The following VPS26B variants were observed in gnomAD, a reference collection of about 807,000 sequenced individuals.
VPS26B encodes the protein vacuolar protein sorting-associated protein 26B.
In VPS26B, 10 loss-of-function variants were observed where a neutral mutation model predicts 33.3. That is an observed-to-expected ratio of 0.30 (90% CI 0.19 to 0.51). The LOEUF is 0.51. Among genes scored for constraint, VPS26B ranks in the 20% least tolerant of loss-of-function variants. The probability of loss-of-function intolerance (pLI) is 0.98; values close to 1 mark genes in which losing one functional copy is unlikely to be tolerated. For synonymous variants in VPS26B, 190 were observed against 176.9 expected, an observed-to-expected ratio of 1.07 and a Z score of -0.59; for missense variants, 317 against 452.7, an observed-to-expected ratio of 0.70 and a Z score of 2.72.
chr11:134,243,092 T>G, intron 3 of VPS26B, 27 bp from the exon 4 acceptor site: 1 of 1,612,824 alleles, frequency 6.2e-7, no homozygotes. Context: ...TACCAACATC[T>G]TACTTTCTGT....
At chr11:134,242,664 C>G (rs1282726942) in intron 3 of VPS26B, among the ~76,000 whole-genome samples, 1 of 152,258 alleles carries the variant, frequency 6.6e-6, no homozygotes, top group Admixed American at 6.5e-5. Context: ...TGCTGCCTGG[C>G]CTGTCGGCCT....
chr11:134,225,519 C>T, intron 1 of VPS26B, 174 bp downstream of exon 1: 1 of 677,036 alleles, frequency 1.5e-6, no homozygotes, highest in Non-Finnish European at 2.5e-6. Flanking sequence ...GCGTTACTGT[C>T]CTCCCTGCCA....
At chr11:134,236,666 G>A (rs915026946) in intron 2 of VPS26B, 1 of 152,202 alleles carries the variant, frequency 6.6e-6, no homozygotes, top group Admixed American at 6.5e-5. Flanking sequence ...GCTACAACAT[G>A]GGTGAACCTA....
At chr11:134,234,638 T>A (rs1323708750) in intron 1 of VPS26B, among the ~76,000 whole-genome samples, 1 of 152,214 alleles carries the variant, frequency 6.6e-6, no homozygotes, top group African/African-American at 2.4e-5. Context: ...TAAAAGATGG[T>A]GTCCGAGTGT....
chr11:134,231,336 G>A (rs1347974356), intron 1 of VPS26B, among the ~76,000 whole-genome samples: 2 of 151,952 alleles, frequency 1.3e-5, no homozygotes, highest in Non-Finnish European at 2.9e-5. Context: ...GAAACACTAA[G>A]TAAAAGGCAC....
chr11:134,229,371 C>G (rs570312581), intron 1 of VPS26B, among the ~76,000 whole-genome samples: 1 of 152,138 alleles, frequency 6.6e-6, no homozygotes, highest in Admixed American at 6.5e-5. Context: ...TGTTCTGACC[C>G]GACCTCTCTT....
chr11:134,225,475 C>A, intron 1 of VPS26B, 130 bp downstream of exon 1: 3 of 924,524 alleles, frequency 3.2e-6, no homozygotes, highest in South Asian at 1.4e-5. Flanking sequence ...GCCTGGGGTT[C>A]AGCTACAAGT....
At chr11:134,226,001 T>A (rs1565566080) in intron 1 of VPS26B, among the ~76,000 whole-genome samples, 1 of 152,240 alleles carries the variant, frequency 6.6e-6, no homozygotes, top group Non-Finnish European at 1.5e-5. Context: ...GAATGCAAGT[T>A]TTCAGTTACC....
At chr11:134,230,001 G>A (rs1938534997) in intron 1 of VPS26B, among the ~76,000 whole-genome samples, 1 of 152,012 alleles carries the variant, frequency 6.6e-6, no homozygotes, top group African/African-American at 2.4e-5. Flanking sequence ...ACATCTTTCT[G>A]CAAGATATAA....
intron 1 of VPS26B, among the ~76,000 whole-genome samples, chr11:134,234,302 A>T (rs1272974849): frequency 1.3e-5 from 2 of 152,202 alleles, no homozygotes; most frequent in Non-Finnish European, 2.9e-5. Context: ...CACCCCTGCT[A>T]CTTCACACAG....
At chr11:134,241,729 C>T (rs1938728251) in intron 3 of VPS26B, among the ~76,000 whole-genome samples, 2 of 152,210 alleles carry the variant, frequency 1.3e-5, no homozygotes, top group South Asian at 2.1e-4. Context: ...AGGGACGGGA[C>T]ACTTTCAGAC....
intron 1 of VPS26B, 135 bp from the exon 2 acceptor site, chr11:134,234,762 G>A: frequency 1.9e-6 from 2 of 1,040,802 alleles, no homozygotes; most frequent in East Asian, 2.7e-5. Flanking sequence ...AGAAAACAAG[G>A]CTAGAAGGGG....
At position 134,245,645 on chromosome 11, in the gene VPS26B, A is replaced by C; in HGVS notation, c.*55A>C. ...CCACCCAGCACCCCCATCTACCAAC[A>C]CCAGCGGCTGGGGGCGGGGGCGGAC... is the stretch of plus-strand genomic sequence containing the variant. On this transcript the variant is annotated 3_prime_UTR_variant, in exon 6 of 6. Transcript: ENST00000281187. This position sits in a 1 kb window ranked among gnomAD's most constrained non-coding sequence, Gnocchi z 4.7. The C allele has an allele frequency of 3.9e-6, 6 of 1,533,916 alleles. No homozygotes were observed. The highest frequency in any genetic ancestry group is 5.3e-6 in the Non-Finnish European group (6 of 1,137,678).
intron 2 of VPS26B, among the ~76,000 whole-genome samples, chr11:134,238,347 A>G (rs1036737079): frequency 2.6e-5 from 4 of 152,136 alleles, no homozygotes; most frequent in Non-Finnish European, 5.9e-5. Flanking sequence ...GCACATTGTA[A>G]GTCTTGACTG....
Position 134,244,883 on chromosome 11 carries a change from T to C in VPS26B, c.722-55T>C. ...CTGCAGTGGTCAGAGTGACCTGGTA[T>C]AAGGGAGAGGGCATCACCTTGCCCC... is the stretch of plus-strand genomic sequence containing the variant. On this transcript the variant is annotated intron_variant, in intron 4 of 5. Transcript: ENST00000281187. The surrounding 1 kb of genome is among the most constrained non-coding windows in gnomAD (Gnocchi z 4.0). 1 of 1,586,514 alleles carries C rather than the reference T, an allele frequency of 6.3e-7. No individual in the cohort carries two copies. The highest frequency in any genetic ancestry group is 8.5e-7 in the Non-Finnish European group (1 of 1,171,270).
At position 134,243,100 on chromosome 11, in the gene VPS26B, T is replaced by C; in HGVS notation, c.546-19T>C. ...GCCACAGTACCAACATCTTACTTTC[T>C]GTACTTTCTGTTCCCCAGATACCAC... On this transcript the variant is annotated intron_variant, in intron 3 of 5. Coordinates refer to ENST00000281187, the MANE Select transcript of VPS26B (RefSeq NM_052875.5). The C allele has an allele frequency of 6.2e-7, 1 of 1,613,682 alleles. No individual in the cohort carries two copies. Among genetic ancestry groups the C allele is most frequent in the Non-Finnish European group, 8.5e-7 (1 of 1,179,606 alleles).
chr11:134,238,417 G>A (rs1226191232), intron 2 of VPS26B, among the ~76,000 whole-genome samples: 1 of 152,058 alleles, frequency 6.6e-6, no homozygotes, highest in Non-Finnish European at 1.5e-5. Context: ...AGCGGGGTGG[G>A]GAGACTTGGG....
chr11:134,232,212 C>T (rs142204457), intron 1 of VPS26B, among the ~76,000 whole-genome samples: 3 of 34,624 alleles, frequency 8.7e-5, no homozygotes, highest in African/African-American at 1.3e-4. Flanking sequence ...AAAGATGACG[C>T]GTGGTTGCTT....
intron 3 of VPS26B, among the ~76,000 whole-genome samples, chr11:134,241,448 A>G (rs951597559): frequency 3.9e-5 from 6 of 152,228 alleles, no homozygotes; most frequent in South Asian, 2.1e-4. Flanking sequence ...GCCTCGCCTA[A>G]GCCCACCAGT....
Sources: allele counts gnomAD v4.1 joint callset (sites outside exome capture counted in the v4.1 genomes callset), GRCh38; gene constraint gnomAD v4.1.1; non-coding constraint Gnocchi (gnomAD v3.1); transcripts MANE v1.5; gene names NCBI Gene and HGNC (gene_info 2026-07-23, HGNC 2026-07-21).